The following KIF26B variants were observed in gnomAD, a reference collection of about 807,000 sequenced individuals.
KIF26B encodes the protein kinesin family member 26B.
KIF26B carries 63 observed loss-of-function variants against 151.2 expected under a neutral mutation model. The observed-to-expected ratio is 0.42, with a 90% CI of 0.34 to 0.51. KIF26B has a LOEUF of 0.51. KIF26B is among the 20% of genes least tolerant of loss of function. The pLI, the probability that KIF26B is intolerant of heterozygous loss-of-function variation, is 0.07. For missense variants in KIF26B, 2,813 were observed against 2,913.6 expected, an observed-to-expected ratio of 0.97 and a Z score of 0.79; for synonymous variants, 1,357 against 1,262.1, an observed-to-expected ratio of 1.08 and a Z score of -1.59.
chr1:245,570,096 C>T (rs551700651), intron 5 of KIF26B, among the ~76,000 whole-genome samples: 88 of 151,608 alleles, frequency 5.8e-4, no homozygotes, highest in South Asian at 1.3e-3. Context: ...CCACCACACC[C>T]GGCTAATTTT....
intron 3 of KIF26B, among the ~76,000 whole-genome samples, chr1:245,410,157 A>G (rs10924196): frequency 0.23 from 34,767 of 152,128 alleles, 6,133 homozygotes; most frequent in African/African-American, 0.49. Context: ...CTCCGAGCTT[A>G]GCTCCTCTCT....
chr1:245,257,689 C>G (rs973009596), intron 2 of KIF26B, among the ~76,000 whole-genome samples: 1 of 152,080 alleles, frequency 6.6e-6, no homozygotes, highest in African/African-American at 2.4e-5. Context: ...GTGGCCCTTG[C>G]TTAGGTGGCA....
At position 245,170,792 on chromosome 1, in the gene KIF26B, G is replaced by A. The variant is rs1309738794; in HGVS notation, c.465+14109G>A. 6.6e-6 allele frequency among the ~76,000 whole-genome samples: 1 copy of A among 152,152 alleles called. No individual in the cohort carries two copies. Among genetic ancestry groups the A allele is most frequent in the Non-Finnish European group, 1.5e-5 (1 of 68,024 alleles). The stretch of plus-strand genomic sequence containing the variant: ...CCACCTCCTACTACCATCACTTTGG[G>A]GGTTAGGTTTCAACATGATTTTGGG... On this transcript the variant is annotated intron_variant, in intron 2 of 14. Coordinates refer to ENST00000407071, the MANE Select transcript of KIF26B (RefSeq NM_018012.4). The surrounding 1 kb of genome is among the most constrained non-coding windows in gnomAD (Gnocchi z 4.4).
chr1:245,678,630 A>G (rs565234430), intron 10 of KIF26B, among the ~76,000 whole-genome samples: 21 of 152,186 alleles, frequency 1.4e-4, no homozygotes, highest in East Asian at 3.9e-4. Flanking sequence ...TTGGGAGGCC[A>G]AGGAGGGAGG....
chr1:245,519,771 G>A (rs1661047170), intron 4 of KIF26B, among the ~76,000 whole-genome samples: 1 of 152,132 alleles, frequency 6.6e-6, no homozygotes, highest in Non-Finnish European at 1.5e-5. Context: ...ACAATGGTAA[G>A]TATTTGTGTC....
chr1:245,251,025 C>G (rs1670433902), intron 2 of KIF26B, among the ~76,000 whole-genome samples: 1 of 152,184 alleles, frequency 6.6e-6, no homozygotes, highest in Non-Finnish European at 1.5e-5. Context: ...AGAGTCTTCT[C>G]CAGTCACATA....
At chr1:245,185,776 C>T (rs1202830208) in intron 2 of KIF26B, among the ~76,000 whole-genome samples, 1 of 152,156 alleles carries the variant, frequency 6.6e-6, no homozygotes. Context: ...ACAAAATGCC[C>T]CCTTTGATGA....
At chr1:245,665,061 T>C (rs2044198750) in intron 10 of KIF26B, among the ~76,000 whole-genome samples, 1 of 152,236 alleles carries the variant, frequency 6.6e-6, no homozygotes, top group African/African-American at 2.4e-5. Flanking sequence ...AGTGAGAATA[T>C]TGTGTGTTAA....
chr1:245,287,191 T>A (rs1425414334), intron 2 of KIF26B, among the ~76,000 whole-genome samples: 1 of 152,272 alleles, frequency 6.6e-6, no homozygotes, highest in East Asian at 1.9e-4. Flanking sequence ...TATTTGCAGG[T>A]CTGGGGCTAT....
rs1249126392 is a variant in KIF26B, at chr1:245,564,357, G to T, written c.1350+23407G>T. ...CTATATGTTCTGGACTCTCTTCTAC[G>T]ACACGGAGACCTTTCCCGGAGCAGG... On this transcript the variant is annotated intron_variant, in intron 5 of 14. Coordinates refer to ENST00000407071, the MANE Select transcript of KIF26B (RefSeq NM_018012.4). This position sits in a 1 kb window ranked among gnomAD's most constrained non-coding sequence, Gnocchi z 4.6. 6.6e-6 allele frequency among the ~76,000 whole-genome samples: 1 copy of T among 152,062 alleles called. No individual in the cohort carries two copies. Among genetic ancestry groups the T allele is most frequent in the East Asian group, 1.9e-4 (1 of 5,188 alleles).
rs557522929 is a variant in KIF26B at position 245,659,333 on chromosome 1, G to A, written c.2258+13053G>A. ...GCCTGATCTAAACCTTGCATCTTTA[G>A]TGACAGATATGAGTCTGACACCCAC... On this transcript the variant is annotated intron_variant, in intron 10 of 14. Coordinates refer to ENST00000407071, the MANE Select transcript of KIF26B (RefSeq NM_018012.4). Among the ~76,000 whole-genome samples the A allele has an allele frequency of 1.2e-4, 18 of 152,306 alleles. No homozygotes were observed. In the South Asian group the frequency reaches 3.5e-3, roughly 30 times the overall value.
intron 4 of KIF26B, among the ~76,000 whole-genome samples, chr1:245,439,161 G>A (rs191351363): frequency 5.9e-5 from 9 of 151,870 alleles, no homozygotes; most frequent in East Asian, 3.9e-4. Flanking sequence ...CAGCCTGGGT[G>A]ACATGGCAAG....
intron 2 of KIF26B, among the ~76,000 whole-genome samples, chr1:245,350,422 C>T (rs568634553): frequency 3.9e-5 from 6 of 152,224 alleles, no homozygotes; most frequent in African/African-American, 7.2e-5. Flanking sequence ...GTCTGCCTTA[C>T]GTCTTGGGCC....
intron 6 of KIF26B, among the ~76,000 whole-genome samples, chr1:245,604,443 G>C (rs947327774): frequency 1.3e-5 from 2 of 152,148 alleles, no homozygotes; most frequent in Non-Finnish European, 2.9e-5. Context: ...AGAAGACAAA[G>C]TACTTTATGA....
intron 2 of KIF26B, among the ~76,000 whole-genome samples, chr1:245,213,099 T>C (rs1669576936): frequency 6.6e-6 from 1 of 152,214 alleles, no homozygotes; most frequent in Admixed American, 6.5e-5. Context: ...CCAATTAACC[T>C]TGTTCGTTTT....
At chr1:245,180,932 G>A (rs1319066277) in intron 2 of KIF26B, among the ~76,000 whole-genome samples, 1 of 152,064 alleles carries the variant, frequency 6.6e-6, no homozygotes, top group East Asian at 1.9e-4. Flanking sequence ...AACACCAACT[G>A]CAGGATTCCT....
intron 10 of KIF26B, among the ~76,000 whole-genome samples, chr1:245,655,929 C>T (rs557672562): frequency 1.4e-3 from 213 of 152,268 alleles, no homozygotes; most frequent in Non-Finnish European, 4.4e-4. Context: ...CCATAGAACT[C>T]GGTGCTGTTC....
chr1:245,525,241 G>A (rs1661212412), intron 4 of KIF26B, among the ~76,000 whole-genome samples: 1 of 152,170 alleles, frequency 6.6e-6, no homozygotes, highest in Admixed American at 6.6e-5. Context: ...TATCTTGAAA[G>A]TAAGTTATTT....
chr1:245,505,294 G>A (rs1446253121), intron 4 of KIF26B, among the ~76,000 whole-genome samples: 1 of 151,666 alleles, frequency 6.6e-6, no homozygotes, highest in African/African-American at 2.4e-5. Context: ...GACTATTCCA[G>A]ATAGTGTCAG....
Sources: gnomAD v4.1 joint callset for allele counts (sites outside exome capture counted in the v4.1 genomes callset) on GRCh38, gnomAD v4.1.1 for gene constraint, Gnocchi (gnomAD v3.1) non-coding constraint, MANE v1.5 for transcripts, NCBI Gene and HGNC (gene_info 2026-07-23, HGNC 2026-07-21) for gene names.